Variants in RAPH1 observed in about 807,000 individuals in gnomAD.
RAPH1 encodes the protein Ras association (RalGDS/AF-6) and pleckstrin homology domains 1.
RAPH1 carries 18 observed loss-of-function variants against 88.1 expected under a neutral mutation model. The observed-to-expected ratio is 0.20, with a 90% CI of 0.14 to 0.30. RAPH1 has a LOEUF of 0.30. Among genes scored for constraint, RAPH1 ranks in the 10% least tolerant of loss-of-function variants. The pLI is 1.00. For synonymous variants in RAPH1, 587 were observed against 559.0 expected (o/e 1.05, Z -0.71); for missense variants, 1,448 against 1,543.2 (o/e 0.94, Z 1.03).
At chr2:203,453,856 T>C (rs1387497031) in intron 10 of RAPH1, among the ~76,000 whole-genome samples, 1 of 152,102 alleles carries the variant, frequency 6.6e-6, no homozygotes, top group Admixed American at 6.6e-5. Flanking sequence ...AAAATGTCCG[T>C]TCTTCTCAGA....
chr2:203,514,292 G>C (rs1305423782), intron 1 of RAPH1, among the ~76,000 whole-genome samples: 1 of 152,208 alleles, frequency 6.6e-6, no homozygotes, highest in Non-Finnish European at 1.5e-5. Context: ...TAGTTCAAAT[G>C]AAGTCTCAGG....
intron 10 of RAPH1, among the ~76,000 whole-genome samples, chr2:203,451,852 T>A (rs958695060): frequency 6.6e-6 from 1 of 152,220 alleles, no homozygotes; most frequent in Non-Finnish European, 1.5e-5. Context: ...TTGTCAGTGA[T>A]TGGCTTGTCA....
intron 1 of RAPH1, among the ~76,000 whole-genome samples, chr2:203,507,389 G>A (rs1474272200): frequency 2.0e-5 from 3 of 151,860 alleles, no homozygotes; most frequent in Non-Finnish European, 4.4e-5. Context: ...AAAAATCAAG[G>A]CAAGAATCAT....
In RAPH1 at chr2:203,454,120, T is replaced by C. The variant is rs1049432282; in HGVS notation, c.1413+310A>G. Among the ~76,000 whole-genome samples the C allele has an allele frequency of 3.9e-5, 6 of 152,322 alleles. No individual in the cohort carries two copies. In the East Asian group the frequency reaches 1.2e-3, roughly 29 times the overall value. On this transcript the variant is annotated intron_variant, in intron 10 of 13. Coordinates refer to ENST00000319170, the MANE Select transcript of RAPH1 (RefSeq NM_213589.3). ...CACATTTATGACCTACATTCGGCTC[T>C]GTTCTAAGTTTTCCTAAAATAAGCC...
Position 203,469,578 on chromosome 2 carries a change from C to T in RAPH1, c.733-7653G>A, listed in dbSNP as rs778029344. On this transcript the variant is annotated intron_variant, in intron 4 of 13. Transcript: ENST00000319170. ...TTGAATTTAACATTATTTAAATAAGCTAATGAAATAAAAACATGACTTAAA... is the reference window on the plus strand; with the variant it reads ...TTGAATTTAACATTATTTAAATAAGTTAATGAAATAAAAACATGACTTAAA... Among the ~76,000 whole-genome samples the T allele has an allele frequency of 3.9e-5, 6 of 152,226 alleles. No homozygotes were observed. The South Asian group carries it at 6.2e-4, about 16-fold the overall frequency.
rs1688768331 is a variant in RAPH1 at position 203,502,201 on chromosome 2, T to G, written c.1-6848A>C. On this transcript the variant is annotated intron_variant, in intron 1 of 13. Transcript: ENST00000319170. ...CTCAGAGTGAGCTGACACCTGGAAC[T>G]CAGTTTTGTAAAACTGCCAGATGGA... Among the ~76,000 whole-genome samples the G allele has an allele frequency of 2.6e-5, 4 of 152,184 alleles. No individual in the cohort carries two copies. In the South Asian group the frequency reaches 8.3e-4, roughly 32 times the overall value.
At chr2:203,460,947 C>T (rs2098523730) in intron 6 of RAPH1, among the ~76,000 whole-genome samples, 1 of 151,372 alleles carries the variant, frequency 6.6e-6, no homozygotes, top group African/African-American at 2.4e-5. Flanking sequence ...AACCCCATCT[C>T]TACTAAAAAA....
chr2:203,441,477 G>A, intron 13 of RAPH1, 64 bp from the exon 14 acceptor site: 3 of 1,469,314 alleles, frequency 2.0e-6, no homozygotes, highest in Non-Finnish European at 1.8e-6. Context: ...AGTTACAGAG[G>A]TAAGCTTTGA....
At position 203,493,147 on chromosome 2, in the gene RAPH1, C is replaced by G. The variant is rs1485372590; in HGVS notation, c.121-1828G>C. On this transcript the variant is annotated intron_variant, in intron 2 of 13. Transcript: ENST00000319170. ...CATATTAGCAGTGAGTCACACTATGCCACAGTTTTAATCTTTTTTTCTCTC... is the reference window on the plus strand; with the variant it reads ...CATATTAGCAGTGAGTCACACTATGGCACAGTTTTAATCTTTTTTTCTCTC... Among the ~76,000 whole-genome samples, 4 of 152,114 alleles carry G rather than the reference C, an allele frequency of 2.6e-5. No individual in the cohort carries two copies. The East Asian group carries it at 7.7e-4, about 29-fold the overall frequency.
intron 4 of RAPH1, among the ~76,000 whole-genome samples, chr2:203,472,000 T>C (rs566033427): frequency 2.0e-5 from 3 of 152,220 alleles, no homozygotes; most frequent in East Asian, 3.9e-4. Flanking sequence ...ACTAGGTAAG[T>C]AGTAATTTCT....
Position 203,434,677 on chromosome 2 carries a change from C to CT in RAPH1, c.*4759dup, listed in dbSNP as rs2098496970. ...GACAGTTTGCAAAATATAAGGGTTT[C>CT]TCCCCCTTTAGTGCTGCAGACAAGT... On this transcript the variant is annotated 3_prime_UTR_variant, in exon 14 of 14. Transcript: ENST00000319170. 1 of 152,250 alleles carries CT rather than the reference C, an allele frequency of 6.6e-6. No individual in the cohort carries two copies. The highest frequency in any genetic ancestry group is 6.6e-5 in the Admixed American group (1 of 15,260). 9.4% of individuals were successfully genotyped at this position (152,250 alleles called of 1,614,324 possible). A position where few individuals can be genotyped will look rare whatever the true frequency, so the allele number is the denominator to read the frequency against.
intron 4 of RAPH1, among the ~76,000 whole-genome samples, chr2:203,475,453 TA>T (rs898552256): frequency 9.2e-5 from 14 of 152,074 alleles, no homozygotes; most frequent in Non-Finnish European, 1.8e-4. Flanking sequence ...ATCTACACTG[TA>T]AAAAAAATCA....
rs184614981 is a variant in RAPH1 at position 203,448,075 on chromosome 2, C to T, written c.1517G>A (p.Gly506Glu). 2.5e-5 allele frequency: 40 copies of T among 1,613,216 alleles called. No individual in the cohort carries two copies. In the Admixed American group the frequency reaches 2.5e-4, roughly 10 times the overall value. ...TTGGTAGTTCATATAGAGCTGCTTCCCATACTAAAGAGAAGACAGGAAATG... is the reference window on the plus strand; with the variant it reads ...TTGGTAGTTCATATAGAGCTGCTTCTCATACTAAAGAGAAGACAGGAAATG... ...WVNGIRIAKY[G>E]KQLYMNYQEA... The change falls in exon 12 of 14, where the codon GGG (glycine) becomes GAG (glutamate). Residue 506 changes from glycine to glutamate, a missense_variant. Coordinates refer to ENST00000319170, the MANE Select transcript of RAPH1 (RefSeq NM_213589.3). This position sits in a 1 kb window ranked among gnomAD's most constrained non-coding sequence, Gnocchi z 4.1.
chr2:203,491,414 A>G, intron 2 of RAPH1, 95 bp from the exon 3 acceptor site: 1 of 735,300 alleles, frequency 1.4e-6, no homozygotes, highest in Non-Finnish European at 2.2e-6. Flanking sequence ...GAACTGCCAC[A>G]CTATAATTAA....
At chr2:203,464,098 T>C (rs1462277563) in intron 4 of RAPH1, among the ~76,000 whole-genome samples, 2 of 152,218 alleles carry the variant, frequency 1.3e-5, no homozygotes, top group Admixed American at 6.5e-5. Flanking sequence ...AATGATCTTA[T>C]TATGTTCCTC....
intron 10 of RAPH1, among the ~76,000 whole-genome samples, chr2:203,451,339 G>T (rs747548321): frequency 2.0e-5 from 3 of 152,058 alleles, no homozygotes; most frequent in Non-Finnish European, 2.9e-5. Context: ...AGAAAGCAAG[G>T]CACAGAGTAA....
chr2:203,501,238 G>A (rs912519846), intron 1 of RAPH1, among the ~76,000 whole-genome samples: 1 of 152,164 alleles, frequency 6.6e-6, no homozygotes, highest in African/African-American at 2.4e-5. Flanking sequence ...GCAGAGAAGG[G>A]AAAGGAAAGG....
chr2:203,513,766 TAG>T (rs2105934627), intron 1 of RAPH1, among the ~76,000 whole-genome samples: 1 of 141,900 alleles, frequency 7.0e-6, no homozygotes, highest in African/African-American at 2.6e-5. Flanking sequence ...GCCTGGGAGG[TAG>T]AGGTTGCAGT....
intron 7 of RAPH1, among the ~76,000 whole-genome samples, chr2:203,458,419 A>G (rs2098521588): frequency 6.6e-6 from 1 of 152,176 alleles, no homozygotes; most frequent in South Asian, 2.1e-4. Flanking sequence ...TCATTAGTAC[A>G]CAGTCATCCC....
Sources: gnomAD v4.1 joint callset for allele counts (sites outside exome capture counted in the v4.1 genomes callset) on GRCh38, gnomAD v4.1.1 for gene constraint, Gnocchi (gnomAD v3.1) non-coding constraint, MANE v1.5 for transcripts, NCBI Gene and HGNC (gene_info 2026-07-23, HGNC 2026-07-21) for gene names.